The following ZC3H13 variants were observed in gnomAD, a reference collection of about 807,000 sequenced individuals.
ZC3H13 encodes the protein zinc finger CCCH-type containing 13.
ZC3H13 carries 64 observed loss-of-function variants against 204.1 expected under a neutral mutation model. The ratio of observed to expected loss-of-function variants is 0.31; its 90% CI spans 0.26 to 0.39. ZC3H13 has a LOEUF of 0.39. Ranked by LOEUF, ZC3H13 falls within the 10% of genes least tolerant of loss-of-function variation. ZC3H13 has a pLI of 1.00. For missense variants in ZC3H13, 1,833 were observed against 2,082.7 expected (o/e 0.88, Z 2.33); for synonymous variants, 667 against 693.7 (o/e 0.96, Z 0.60).
At chr13:46,017,197 A>C (rs2138757433) in intron 5 of ZC3H13, among the ~76,000 whole-genome samples, 1 of 152,256 alleles carries the variant, frequency 6.6e-6, no homozygotes, top group East Asian at 1.9e-4. Context: ...ACAGGAAAAC[A>C]ACCAAGTTTT....
At chr13:45,981,236 A>G (rs1953569243) in intron 10 of ZC3H13, among the ~76,000 whole-genome samples, 4 of 152,208 alleles carry the variant, frequency 2.6e-5, no homozygotes, top group Admixed American at 2.6e-4. Context: ...AATCTTTGAC[A>G]AAGATGAGTT....
At chr13:46,021,251 C>G (rs1220274683) in intron 4 of ZC3H13, among the ~76,000 whole-genome samples, 1 of 151,820 alleles carries the variant, frequency 6.6e-6, no homozygotes, top group Non-Finnish European at 1.5e-5. Flanking sequence ...ACATTTTATT[C>G]CAGGTATAAA....
chr13:46,014,341 C>T (rs911270170), intron 5 of ZC3H13, among the ~76,000 whole-genome samples: 2 of 151,958 alleles, frequency 1.3e-5, no homozygotes, highest in Non-Finnish European at 2.9e-5. Context: ...TCCTAATGCT[C>T]TCCCTCCCCT....
At chr13:46,021,186 A>G (rs1371307532) in intron 4 of ZC3H13, among the ~76,000 whole-genome samples, 1 of 152,018 alleles carries the variant, frequency 6.6e-6, no homozygotes, top group Non-Finnish European at 1.5e-5. Context: ...ATGAAACCAA[A>G]TGGTACCTAA....
intron 18 of ZC3H13, 50 bp from the exon 19 acceptor site, chr13:45,957,347 T>C (rs1257683784): frequency 7.2e-7 from 1 of 1,381,284 alleles, no homozygotes; most frequent in African/African-American, 1.5e-5. Context: ...ACATTATTAG[T>C]AGGAAAGATG....
intron 5 of ZC3H13, among the ~76,000 whole-genome samples, chr13:46,016,126 G>A (rs576411109): frequency 3.9e-5 from 6 of 152,154 alleles, no homozygotes; most frequent in South Asian, 4.1e-4. Context: ...CAAAAACACC[G>A]TATGGTTAAC....
At chr13:46,033,600 C>T (rs950728481) in intron 4 of ZC3H13, among the ~76,000 whole-genome samples, 3 of 152,096 alleles carry the variant, frequency 2.0e-5, no homozygotes, top group Admixed American at 6.5e-5. Flanking sequence ...AAGATCTATA[C>T]GCATTTCCTA....
At position 45,963,720 on chromosome 13, in the gene ZC3H13, G is replaced by T. The variant is rs1951858542; in HGVS notation, c.4675+122C>A. ...GAGGGTTAAATAATGATTATAAAAT[G>T]ATTTCTCAAAAAATAGTTTCTACAC... On this transcript the variant is annotated intron_variant, in intron 17 of 18. Coordinates refer to ENST00000679008, the MANE Select transcript of ZC3H13 (RefSeq NM_001330564.2). 2.7e-6 allele frequency: 4 copies of T among 1,498,244 alleles called. No individual in the cohort carries two copies. The South Asian group carries it at 4.2e-5, about 16-fold the overall frequency. The allele number at this position is 1,498,244 out of a possible 1,614,324, so 92.8% of individuals were successfully genotyped here. A position where few individuals can be genotyped will look rare whatever the true frequency, so the allele number is the denominator to read the frequency against.
At chr13:45,985,214 G>C in intron 10 of ZC3H13, 83 bp downstream of exon 10, 1 of 1,309,032 alleles carries the variant, frequency 7.6e-7, no homozygotes, top group Non-Finnish European at 1.0e-6. Flanking sequence ...GATAACAAAT[G>C]TAAGAAACAA....
chr13:46,042,147 G>C lies in ZC3H13; in HGVS notation c.339+17C>G. 1 of 1,596,208 alleles carries C rather than the reference G, an allele frequency of 6.3e-7. No homozygotes were observed. The highest frequency in any genetic ancestry group is 8.6e-7 in the Non-Finnish European group (1 of 1,165,998). Reference sequence around the variant, plus strand: ...CACTACTGAAGTTGAACTTTGTTTTGGGAAATTCAATCCTACCCTAACAGG... The same window carrying C: ...CACTACTGAAGTTGAACTTTGTTTTCGGAAATTCAATCCTACCCTAACAGG... On this transcript the variant is annotated intron_variant, in intron 4 of 18. Transcript: ENST00000679008.
In ZC3H13 at chr13:45,969,857, G is replaced by A. The variant is rs766952682; in HGVS notation, c.2687C>T (p.Pro896Leu). 6.2e-7 allele frequency: 1 copy of A among 1,613,692 alleles called. No homozygotes were observed. The highest frequency in any genetic ancestry group is 8.5e-7 in the Non-Finnish European group (1 of 1,180,004). The change falls in exon 14 of 19, where the codon CCA (proline) becomes CTA (leucine). Residue 896 changes from proline (P) to leucine (L), a missense_variant. This residue lies in a region of ZC3H13 where 1,574 missense variants were observed against 1,757.2 expected (regional missense o/e 0.90). Coordinates refer to ENST00000679008, the MANE Select transcript of ZC3H13 (RefSeq NM_001330564.2). ...GCGCCTTGAACTCTCTTTCCTTTCT[G>A]GTTTACGATCCTCCTCTTTCCATCT... Reference protein sequence around the residue: ...QGRWKEEDRKPERKESSRRYE... With the variant: ...QGRWKEEDRKLERKESSRRYE...
chr13:46,016,823 T>C (rs1213989604), intron 5 of ZC3H13, among the ~76,000 whole-genome samples: 1 of 152,118 alleles, frequency 6.6e-6, no homozygotes, highest in African/African-American at 2.4e-5. Context: ...GGGATGGGAT[T>C]AGGAGGTTAT....
intron 8 of ZC3H13, among the ~76,000 whole-genome samples, chr13:46,000,291 T>A (rs1711891882): frequency 6.6e-6 from 1 of 152,192 alleles, no homozygotes; most frequent in African/African-American, 2.4e-5. Context: ...AATAAGGCTG[T>A]ATCAACTACA....
intron 5 of ZC3H13, among the ~76,000 whole-genome samples, chr13:46,013,167 G>A (rs1414656773): frequency 6.6e-6 from 1 of 152,188 alleles, no homozygotes; most frequent in Admixed American, 6.5e-5. Context: ...TGTAAGCTCA[G>A]CACTTTGGGA....
chr13:45,970,309 C>T, intron 13 of ZC3H13, 53 bp downstream of exon 13: 1 of 1,581,144 alleles, frequency 6.3e-7, no homozygotes, highest in Non-Finnish European at 8.7e-7. Flanking sequence ...AGGATGGTTT[C>T]ATGGTTACAA....
chr13:45,961,524 T>C (rs536974835), intron 17 of ZC3H13, among the ~76,000 whole-genome samples: 64 of 121,120 alleles, frequency 5.3e-4, no homozygotes, highest in Middle Eastern at 5.2e-3. Context: ...TGATGGTTAG[T>C]AGAGGCTGGG....
At chr13:45,981,760 T>C (rs1240955047) in intron 10 of ZC3H13, among the ~76,000 whole-genome samples, 2 of 151,294 alleles carry the variant, frequency 1.3e-5, no homozygotes, top group Non-Finnish European at 2.9e-5. Context: ...CAGTAAACTA[T>C]CGCAAGAACA....
chr13:45,954,470 G>C lies in ZC3H13; in HGVS notation c.*2657C>G, dbSNP rs999930547. On this transcript the variant is annotated 3_prime_UTR_variant, in exon 19 of 19. Coordinates refer to ENST00000679008, the MANE Select transcript of ZC3H13 (RefSeq NM_001330564.2). The stretch of plus-strand genomic sequence containing the variant: ...AAATGGAAAGATCAACAAAATTAAT[G>C]AATAAAGAAAGTTTATTGGAGATTA... The C allele has an allele frequency of 1.4e-5, 2 of 139,046 alleles. No homozygotes were observed. The highest frequency in any genetic ancestry group is 5.1e-5 in the African/African-American group (2 of 38,954). The allele number at this position is 139,046 out of a possible 1,614,324, so 8.6% of individuals were successfully genotyped here.
chr13:45,999,848 T>A (rs2040612090), intron 8 of ZC3H13, among the ~76,000 whole-genome samples: 1 of 152,090 alleles, frequency 6.6e-6, no homozygotes, highest in Non-Finnish European at 1.5e-5. Flanking sequence ...AAAGTAAAAA[T>A]TAGTCTTTGA....
Sources: gnomAD v4.1 joint callset for allele counts (sites outside exome capture counted in the v4.1 genomes callset) on GRCh38, gnomAD v4.1.1 for gene constraint, gnomAD v4.1.1 regional missense constraint, MANE v1.5 for transcripts, NCBI Gene and HGNC (gene_info 2026-07-23, HGNC 2026-07-21) for gene names.